Variants in EPB41L3 observed in about 807,000 individuals in gnomAD.
EPB41L3 encodes band 4.1-like protein 3.
EPB41L3 carries 57 observed loss-of-function variants against 127.1 expected under a neutral mutation model. The observed-to-expected ratio is 0.45, with a 90% confidence interval of 0.36 to 0.56. The LOEUF (loss-of-function observed/expected upper bound fraction) is 0.56. Among genes scored for constraint, EPB41L3 ranks in the 20% least tolerant of loss-of-function variants. The probability of loss-of-function intolerance (pLI) is 0.00; values close to 1 mark genes in which losing one functional copy is unlikely to be tolerated. For missense variants in EPB41L3, 1,273 were observed against 1,372.2 expected (o/e 0.93, Z 1.14); for synonymous variants, 572 against 549.5 (o/e 1.04, Z -0.57).
rs1191413201 is a variant in EPB41L3, at chr18:5,495,206, G to A, written c.-11-6012C>T. On this transcript the variant is annotated intron_variant, in intron 1 of 22. Coordinates refer to ENST00000341928, the MANE Select transcript of EPB41L3 (RefSeq NM_012307.5). ...TCAAATCTTGAAGGCCAATACACCA[G>A]CTCCTGTGGAGCTGACTGACTTTTT... Among the ~76,000 whole-genome samples, 5 of 152,188 alleles carry A rather than the reference G, an allele frequency of 3.3e-5. No homozygotes were observed. In the East Asian group the frequency reaches 9.6e-4, roughly 29 times the overall value.
chr18:5,497,903 C>T (rs547421020), intron 1 of EPB41L3, among the ~76,000 whole-genome samples: 5 of 152,344 alleles, frequency 3.3e-5, no homozygotes, highest in East Asian at 3.9e-4. Context: ...TGTACTTACA[C>T]ATTTGTTTCG....
At chr18:5,505,120 A>C (rs1396346203) in intron 1 of EPB41L3, among the ~76,000 whole-genome samples, 1 of 152,046 alleles carries the variant, frequency 6.6e-6, no homozygotes, top group South Asian at 2.1e-4. Context: ...CTGCCACCAG[A>C]CCTAAGAGTC....
At chr18:5,535,858 G>A (rs1785401) in intron 1 of EPB41L3, among the ~76,000 whole-genome samples, 35,006 of 152,184 alleles carry the variant, frequency 0.23, 4,456 homozygotes, top group African/African-American at 0.33. Flanking sequence ...TTACCATTCT[G>A]TTGTTGAGGA....
chr18:5,466,816 T>C (rs1462401024), intron 3 of EPB41L3, among the ~76,000 whole-genome samples: 1 of 152,234 alleles, frequency 6.6e-6, no homozygotes, highest in Non-Finnish European at 1.5e-5. Context: ...ATGAAAAGAT[T>C]TCTAATCTTG....
At chr18:5,412,271 C>A (rs1480160127) in intron 13 of EPB41L3, among the ~76,000 whole-genome samples, 1 of 151,862 alleles carries the variant, frequency 6.6e-6, no homozygotes, top group African/African-American at 2.4e-5. Context: ...AATCTTGGCT[C>A]ACTGCAACCT....
chr18:5,423,732 T>C lies in EPB41L3; in HGVS notation c.1164-179A>G, dbSNP rs79193318. On this transcript the variant is annotated intron_variant, in intron 10 of 22. Coordinates refer to ENST00000341928, the MANE Select transcript of EPB41L3 (RefSeq NM_012307.5). ...ATATAGTATATATCAACTAGGGATATTGTAGAGAGGATATATGCAAATGAG... is the reference window on the plus strand; with the variant it reads ...ATATAGTATATATCAACTAGGGATACTGTAGAGAGGATATATGCAAATGAG... 0.015 allele frequency among the ~76,000 whole-genome samples: 2,324 copies of C among 152,278 alleles called. 35 individuals carry two copies. The highest frequency in any genetic ancestry group is 0.043 in the South Asian group (206 of 4,830).
At chr18:5,517,123 C>T (rs976816111) in intron 1 of EPB41L3, among the ~76,000 whole-genome samples, 12 of 152,194 alleles carry the variant, frequency 7.9e-5, no homozygotes, top group African/African-American at 2.6e-4. Context: ...TATCACTGAA[C>T]GTTTCAAGCA....
intron 2 of EPB41L3, among the ~76,000 whole-genome samples, chr18:5,478,764 C>T (rs1020976269): frequency 4.6e-5 from 7 of 152,150 alleles, no homozygotes; most frequent in African/African-American, 1.7e-4. Context: ...GTATAGGCCT[C>T]TAAAATATAC....
intron 1 of EPB41L3, among the ~76,000 whole-genome samples, chr18:5,538,995 A>ATTTTTTTTTTT (rs757227800): frequency 8.7e-6 from 1 of 115,212 alleles, no homozygotes. Context: ...TTTCTCCAAG[A>ATTTTTTTTTTT]TTTTTTTTTT....
chr18:5,424,524 C>CA (rs565766815), intron 9 of EPB41L3, among the ~76,000 whole-genome samples, 165 bp from the exon 10 acceptor site: 31 of 152,192 alleles, frequency 2.0e-4, no homozygotes, highest in African/African-American at 3.4e-4. Flanking sequence ...TTGTTAATTT[C>CA]AAAAATGTGT....
chr18:5,475,120 C>T lies in EPB41L3; in HGVS notation c.381+3121G>A, dbSNP rs529610757. ...TATTTAACACATCCTATTTCTCTAA[C>T]CATTCCTCATATGAAAGCTTCCAGA... is the stretch of plus-strand genomic sequence containing the variant. On this transcript the variant is annotated intron_variant, in intron 3 of 22. Transcript: ENST00000341928. Among the ~76,000 whole-genome samples the T allele has an allele frequency of 4.6e-5, 7 of 152,272 alleles. No individual in the cohort carries two copies. The South Asian group carries it at 8.3e-4, about 18-fold the overall frequency.
chr18:5,494,860 C>T (rs73379580), intron 1 of EPB41L3, among the ~76,000 whole-genome samples: 15,659 of 151,982 alleles, frequency 0.1, 1,561 homozygotes, highest in African/African-American at 0.25. Context: ...GAGAGCGAGA[C>T]GGACACAGGC....
Position 5,410,574 on chromosome 18 carries a change from C to T in EPB41L3, c.2113G>A (p.Ala705Thr), listed in dbSNP as rs535892749. 25 of 1,613,360 alleles carry T rather than the reference C, an allele frequency of 1.5e-5. No homozygotes were observed. The African/African-American group carries it at 2.7e-4, about 17-fold the overall frequency. ...TDTAADGETT[A>T]TESDQEEDAE... ...TCAGCCAAAATACCAACCTCAGTGGCAGTGGTCTCCCCGTCGGCTGCGGTG... is the reference window on the plus strand; with the variant it reads ...TCAGCCAAAATACCAACCTCAGTGGTAGTGGTCTCCCCGTCGGCTGCGGTG... The change falls in exon 14 of 23, where the codon GCC (alanine) becomes ACC (threonine). Residue 705 changes from alanine to threonine, a missense_variant. This residue lies in a region of EPB41L3 where 765 missense variants were observed against 782.9 expected (regional missense o/e 0.98). Coordinates refer to ENST00000341928, the MANE Select transcript of EPB41L3 (RefSeq NM_012307.5).
chr18:5,482,841 T>G (rs761682980), intron 2 of EPB41L3, among the ~76,000 whole-genome samples: 4 of 152,124 alleles, frequency 2.6e-5, no homozygotes, highest in Non-Finnish European at 5.9e-5. Context: ...CAGACCCATC[T>G]TAAAAGAAAT....
intron 16 of EPB41L3, among the ~76,000 whole-genome samples, chr18:5,402,520 T>C (rs1202459645): frequency 2.0e-5 from 3 of 152,116 alleles, no homozygotes; most frequent in African/African-American, 7.2e-5. Context: ...GTCTTATAAT[T>C]GAAAATATTA....
chr18:5,623,082 G>A (rs1423779427), intron 1 of EPB41L3, among the ~76,000 whole-genome samples: 1 of 150,014 alleles, frequency 6.7e-6, no homozygotes, highest in Non-Finnish European at 1.5e-5. Context: ...ATGTGATGCA[G>A]GGAATTCTGT....
In EPB41L3 at chr18:5,543,055, G is replaced by A. The variant is rs2093782258; in HGVS notation, c.-12+858C>T. ...CGAGGAGAATCGCGGCCCCGAGGGC[G>A]CCAGGTGAGTCGCGCCGCCCCGAGC... On this transcript the variant is annotated intron_variant, in intron 1 of 22. Transcript: ENST00000341928. The surrounding 1 kb of genome is among the most constrained non-coding windows in gnomAD (Gnocchi z 5.2). Among the ~76,000 whole-genome samples, 1 of 151,902 alleles carries A rather than the reference G, an allele frequency of 6.6e-6. No individual in the cohort carries two copies. The highest frequency in any genetic ancestry group is 1.5e-5 in the Non-Finnish European group (1 of 67,946).
At chr18:5,548,322 G>C (rs1417352743), upstream of EPB41L3, among the ~76,000 whole-genome samples, 1 of 152,190 alleles carries the variant, frequency 6.6e-6, no homozygotes, top group African/African-American at 2.4e-5. Context: ...AAGGCTTCCA[G>C]ATGCTCTCTT....
intron 3 of EPB41L3, chr18:5,570,673 G>T (rs183510128): frequency 4.7e-4 from 71 of 151,960 alleles, no homozygotes; most frequent in African/African-American, 1.6e-3. Flanking sequence ...TACATATGTA[G>T]ACATGTGCCA....
Sources: gnomAD v4.1 joint callset for allele counts (sites outside exome capture counted in the v4.1 genomes callset) on GRCh38, gnomAD v4.1.1 for gene constraint, gnomAD v4.1.1 regional missense constraint, Gnocchi (gnomAD v3.1) non-coding constraint, MANE v1.5 for transcripts, NCBI Gene and HGNC (gene_info 2026-07-23, HGNC 2026-07-21) for gene names.